Variants in CENPI observed in about 807,000 individuals in gnomAD.
CENPI encodes FSH primary response 1.
Under a neutral mutation model 60.4 loss-of-function variants are expected in CENPI, and 4 were observed. The observed-to-expected ratio is 0.07, with a 90% confidence interval of 0.03 to 0.15. The LOEUF (loss-of-function observed/expected upper bound fraction) is 0.15, where lower values mean the gene tolerates loss of function less well. CENPI is among the 10% of genes least tolerant of loss of function. The probability of loss-of-function intolerance (pLI) is 1.00; values close to 1 mark genes in which losing one functional copy is unlikely to be tolerated. For missense variants in CENPI, 444 were observed against 534.5 expected (o/e 0.83, Z 1.67); for synonymous variants, 157 against 189.4 (o/e 0.83, Z 1.40).
At chrX:101,133,317 ATTTTTTTTTTTTT>A (rs750307029) in intron 15 of CENPI, among the ~76,000 whole-genome samples, 3 of 77,016 alleles carry the variant, frequency 3.9e-5, no homozygotes, top group Non-Finnish European at 7.5e-5. Context: ...TTCAGTTTGA[ATTTTTTTTTTTTT>A]TTTTTTTTGC....
Position 101,145,072 on chromosome X carries a change from C to T in CENPI, c.1574C>T (p.Thr525Ile). Residue 525 changes from threonine (T) to isoleucine (I), a missense_variant, in exon 17 of 22, where the codon ACT (threonine) becomes ATT (isoleucine). Coordinates refer to ENST00000682095, the MANE Select transcript of CENPI (RefSeq NM_001386188.2). ...KPVTNSPLET[T>I]LGGSMNSVSK... Reference sequence around the variant, plus strand: ...ATGGTTTCTTATTGCAGAGAGACAACTTTGGGTGGATCCATGAACTCTGTG... The same window carrying T: ...ATGGTTTCTTATTGCAGAGAGACAATTTTGGGTGGATCCATGAACTCTGTG... 8.3e-7 allele frequency: 1 copy of T among 1,200,156 alleles called. No homozygotes were observed. Among genetic ancestry groups the T allele is most frequent in the Non-Finnish European group, 1.1e-6 (1 of 888,481 alleles).
At chrX:101,128,628 C>T in intron 11 of CENPI, 88 bp from the exon 12 acceptor site, 1 of 998,504 alleles carries the variant, frequency 1.0e-6, no homozygotes, top group South Asian at 2.3e-5. Flanking sequence ...CCATGCCCAG[C>T]CTATTTTTGT....
intron 17 of CENPI, among the ~76,000 whole-genome samples, chrX:101,145,538 G>C (rs945183555): frequency 9.1e-6 from 1 of 109,765 alleles, no homozygotes; most frequent in Admixed American, 9.8e-5. Context: ...TGTTTCTTCA[G>C]ATCTCCATTT....
At chrX:101,180,477 C>T in the CENPI span, among the ~76,000 whole-genome samples, 1 of 111,764 alleles carries the variant, frequency 8.9e-6, no homozygotes, top group African/African-American at 3.2e-5. Flanking sequence ...TTTTGGTTGT[C>T]GAGTTCGAAG....
At chrX:101,176,881 C>T in the CENPI span, among the ~76,000 whole-genome samples, 1 of 112,291 alleles carries the variant, frequency 8.9e-6, no homozygotes, top group African/African-American at 3.2e-5. Flanking sequence ...CAGTCTTTAC[C>T]GTGCTGAGTT....
intron 20 of CENPI, among the ~76,000 whole-genome samples, chrX:101,156,747 G>A (rs2090055876): frequency 3.4e-5 from 2 of 58,044 alleles, no homozygotes; most frequent in Admixed American, 1.7e-4. Context: ...GAGAATATAC[G>A]ATGTTTTTTT....
At chrX:101,142,627 A>G (rs1446047595) in intron 16 of CENPI, among the ~76,000 whole-genome samples, 2 of 111,113 alleles carry the variant, frequency 1.8e-5, no homozygotes, top group African/African-American at 3.3e-5. Context: ...GGGATGCTCA[A>G]TGTGCTTCAG....
intron 20 of CENPI, among the ~76,000 whole-genome samples, chrX:101,153,085 C>G (rs2090022369): frequency 9.2e-6 from 1 of 109,092 alleles, no homozygotes; most frequent in Admixed American, 1.0e-4. Context: ...TTCTCCACCT[C>G]TTTCCTAACA....
At chrX:101,101,716 G>A (rs186137252) in intron 3 of CENPI, among the ~76,000 whole-genome samples, 295 of 111,345 alleles carry the variant, frequency 2.6e-3, no homozygotes, top group Non-Finnish European at 3.3e-3. Flanking sequence ...GGGAACCACT[G>A]TCCTAATATT....
At chrX:101,167,612 G>A (rs2090147649), downstream of CENPI, among the ~76,000 whole-genome samples, 1 of 111,750 alleles carries the variant, frequency 8.9e-6, no homozygotes, top group Admixed American at 9.5e-5. Context: ...ACCTCTGGGT[G>A]GCACTGTGAA....
the CENPI span, among the ~76,000 whole-genome samples, chrX:101,176,860 G>A: frequency 5.3e-5 from 6 of 112,461 alleles, no homozygotes; most frequent in East Asian, 1.4e-3. Flanking sequence ...ATAGTTTCAG[G>A]TCTTATGTTT....
the CENPI span, among the ~76,000 whole-genome samples, chrX:101,180,806 G>A: frequency 1.8e-5 from 2 of 111,193 alleles, no homozygotes; most frequent in Non-Finnish European, 3.8e-5. Context: ...TTGCTCTGCT[G>A]CCCAAACTGG....
At chrX:101,170,372 C>T (rs143394037), downstream of CENPI, among the ~76,000 whole-genome samples, 207 of 111,702 alleles carry the variant, frequency 1.9e-3, 1 homozygote, top group African/African-American at 6.5e-3. Flanking sequence ...TCGCCTAACA[C>T]ATTTCTCAGG....
Position 101,146,150 on chromosome X carries a change from A to G in CENPI, c.1702-3A>G, listed in dbSNP as rs772277199. The G allele has an allele frequency of 3.3e-6, 4 of 1,197,474 alleles. No homozygotes were observed. Among genetic ancestry groups the G allele is most frequent in the Non-Finnish European group, 4.5e-6 (4 of 886,349 alleles). On this transcript the variant is annotated splice_region_variant and splice_polypyrimidine_tract_variant and intron_variant, in intron 17 of 21. Coordinates refer to ENST00000682095, the MANE Select transcript of CENPI (RefSeq NM_001386188.2). ...ATACTGATGTTATCATTCTTCCTCC[A>G]AGGTGTGTGACATATATATAAATTA...
the CENPI span, among the ~76,000 whole-genome samples, chrX:101,175,458 G>A: frequency 8.9e-6 from 1 of 112,199 alleles, no homozygotes; most frequent in East Asian, 2.8e-4. Flanking sequence ...TGGATGGGAA[G>A]AAAATAAGAA....
rs755799746 is a variant in CENPI at position 101,109,450 on chromosome X, A to T, written c.365-23A>T. 2.8e-6 allele frequency: 3 copies of T among 1,087,056 alleles called. No individual in the cohort carries two copies. In the East Asian group the frequency reaches 9.0e-5, roughly 33 times the overall value. 89.6% of individuals were successfully genotyped at this position (1,087,056 alleles called of 1,213,427 possible). A position where few individuals can be genotyped will look rare whatever the true frequency, so the allele number is the denominator to read the frequency against. ...CAATCGAGACACTAAAATGTAGTTT[A>T]ATTTAGCTTGTCTCCTTTCCAGGAA... On this transcript the variant is annotated intron_variant, in intron 4 of 21. Coordinates refer to ENST00000682095, the MANE Select transcript of CENPI (RefSeq NM_001386188.2).
intron 20 of CENPI, among the ~76,000 whole-genome samples, chrX:101,160,547 AT>A (rs373462206): frequency 3.7e-5 from 4 of 107,749 alleles, no homozygotes; most frequent in African/African-American, 1.4e-4. Flanking sequence ...TGCCTGGCTA[AT>A]TTTTGTATTT....
intron 4 of CENPI, among the ~76,000 whole-genome samples, chrX:101,104,155 G>A (rs765711498): frequency 1.4e-3 from 153 of 112,123 alleles, no homozygotes; most frequent in African/African-American, 4.7e-3. Context: ...TGTATTTTTA[G>A]TAGAGACGGG....
intron 6 of CENPI, among the ~76,000 whole-genome samples, chrX:101,114,800 T>A (rs1279251381): frequency 1.8e-5 from 2 of 109,865 alleles, no homozygotes; most frequent in Non-Finnish European, 3.8e-5. Flanking sequence ...CCACCACGCC[T>A]GGCTAATTTT....
Sources: allele counts gnomAD v4.1 joint callset (sites outside exome capture counted in the v4.1 genomes callset), GRCh38; gene constraint gnomAD v4.1.1; transcripts MANE v1.5; gene names NCBI Gene and HGNC (gene_info 2026-07-23, HGNC 2026-07-21).